SEC22C: variants seen among roughly 807,000 people sequenced by gnomAD.
SEC22C encodes SEC22 homolog C, vesicle trafficking protein.
A neutral mutation model predicts 34.7 loss-of-function variants in SEC22C; 29 were observed. The ratio of observed to expected loss-of-function variants is 0.84; its 90% CI spans 0.62 to 1.14. The LOEUF is 1.14. Ranked by LOEUF, SEC22C falls within the 50% of genes most tolerant of loss-of-function variation. The pLI is 0.00. For synonymous variants in SEC22C, 117 were observed against 132.8 expected (o/e 0.88, Z 0.82); for missense variants, 337 against 369.0 (o/e 0.91, Z 0.71).
intron 1 of SEC22C, among the ~76,000 whole-genome samples, chr3:42,569,340 G>A (rs1175769457): frequency 6.6e-6 from 1 of 152,044 alleles, no homozygotes; most frequent in Non-Finnish European, 1.5e-5. Context: ...AGCCAACTGG[G>A]ATGATGGGGA....
At chr3:42,594,467 T>C in intron 1 of SEC22C, 1 of 1,614,102 alleles carries the variant, frequency 6.2e-7, no homozygotes, top group Non-Finnish European at 8.5e-7. Context: ...TGGCTACCAT[T>C]GCAGATGCCA....
chr3:42,589,794 C>A (rs1232083203), intron 1 of SEC22C, among the ~76,000 whole-genome samples: 1 of 152,184 alleles, frequency 6.6e-6, no homozygotes, highest in Non-Finnish European at 1.5e-5. Flanking sequence ...TTCCACGAAA[C>A]CAATTCCTGG....
intron 5 of SEC22C, among the ~76,000 whole-genome samples, chr3:42,556,831 C>G (rs1702558501): frequency 1.3e-5 from 2 of 152,124 alleles, no homozygotes; most frequent in Admixed American, 1.3e-4. Context: ...TCAAGCGACT[C>G]TCCCACCTCA....
chr3:42,591,234 C>A (rs1228963845), intron 1 of SEC22C: 5 of 574,312 alleles, frequency 8.7e-6, no homozygotes, highest in Non-Finnish European at 1.2e-5. Context: ...GAGTCCCGCT[C>A]TGTCGCCCAG....
rs1252835440 is a variant in SEC22C at position 42,549,641 on chromosome 3, C to T, written c.*3607G>A. 3.0e-6 allele frequency: 3 copies of T among 985,306 alleles called. No homozygotes were observed. The highest frequency in any genetic ancestry group is 3.5e-5 in the African/African-American group (2 of 57,226). The allele number at this position is 985,306 out of a possible 1,614,324, so 61.0% of individuals were successfully genotyped here. On this transcript the variant is annotated 3_prime_UTR_variant, in exon 7 of 7. Coordinates refer to ENST00000264454, the MANE Select transcript of SEC22C (RefSeq NM_032970.4). The stretch of plus-strand genomic sequence containing the variant: ...AATGCAATCTGCTCCCACTCTGAAG[C>T]TCGTCTACCCACCCCATTTGTTACA...
intron 2 of SEC22C, among the ~76,000 whole-genome samples, chr3:42,567,746 T>C (rs541901624): frequency 1.2e-4 from 18 of 152,294 alleles, no homozygotes; most frequent in African/African-American, 4.3e-4. Flanking sequence ...TCTCACTTAT[T>C]TTTCACTCCC....
intron 1 of SEC22C, chr3:42,573,354 G>A (rs1703760619): frequency 3.3e-5 from 5 of 151,984 alleles, no homozygotes; most frequent in Admixed American, 3.3e-4. Flanking sequence ...GTAAAACCTC[G>A]TCTCTATTAA....
At position 42,551,767 on chromosome 3, in the gene SEC22C, A is replaced by C; in HGVS notation, c.*1481T>G. 1.0e-6 allele frequency: 1 copy of C among 968,554 alleles called. No homozygotes were observed. Among genetic ancestry groups the C allele is most frequent in the Non-Finnish European group, 1.2e-6 (1 of 814,522 alleles). The allele number at this position is 968,554 out of a possible 1,614,324, so 60.0% of individuals were successfully genotyped here. A position where few individuals can be genotyped will look rare whatever the true frequency, so the allele number is the denominator to read the frequency against. On this transcript the variant is annotated 3_prime_UTR_variant, in exon 7 of 7. Transcript: ENST00000264454. Reference sequence around the variant, plus strand: ...ATTTTTCTTAAAATGATAACAAGGTAGCTCAATAACAATACAATACCAGTG... The same window carrying C: ...ATTTTTCTTAAAATGATAACAAGGTCGCTCAATAACAATACAATACCAGTG...
intron 1 of SEC22C, among the ~76,000 whole-genome samples, chr3:42,599,572 G>A (rs1705188343): frequency 6.7e-6 from 1 of 150,268 alleles, no homozygotes; most frequent in African/African-American, 2.4e-5. Flanking sequence ...GGCGCCTGTA[G>A]TCCCAGCTAC....
Position 42,559,911 on chromosome 3 carries a change from A to G in SEC22C, c.526+1206T>C, listed in dbSNP as rs901733472. On this transcript the variant is annotated intron_variant, in intron 4 of 6. Coordinates refer to ENST00000264454, the MANE Select transcript of SEC22C (RefSeq NM_032970.4). ...CGTTCATTAAGACCTCTTCCTTCAC[A>G]TGAGGTCTCTGAAATCCACAGGGAT... Among the ~76,000 whole-genome samples the G allele has an allele frequency of 2.6e-5, 4 of 152,028 alleles. No individual in the cohort carries two copies. In the South Asian group the frequency reaches 8.3e-4, roughly 32 times the overall value.
chr3:42,600,832 G>A (rs890610347), intron 1 of SEC22C: 9 of 428,216 alleles, frequency 2.1e-5, no homozygotes, highest in African/African-American at 1.0e-4. Context: ...GAGGCCCGGG[G>A]CGGGAGGGGG....
At chr3:42,586,256 C>T (rs892612526), upstream of SEC22C, among the ~76,000 whole-genome samples, 4 of 152,126 alleles carry the variant, frequency 2.6e-5, no homozygotes, top group Non-Finnish European at 4.4e-5. Context: ...GACAGAGTCT[C>T]GCTCTGTCAC....
intron 1 of SEC22C, chr3:42,591,092 G>A: frequency 1.8e-6 from 2 of 1,113,034 alleles, no homozygotes; most frequent in Non-Finnish European, 2.6e-6. Context: ...GAGCAGCCGG[G>A]GTGCGGGGTG....
chr3:42,593,496 G>C (rs969501520), intron 1 of SEC22C, among the ~76,000 whole-genome samples: 2 of 152,112 alleles, frequency 1.3e-5, no homozygotes, highest in African/African-American at 4.8e-5. Flanking sequence ...TTTTTATAAG[G>C]GACTTGAGCT....
chr3:42,590,876 G>T, intron 1 of SEC22C: 5 of 1,613,712 alleles, frequency 3.1e-6, no homozygotes, highest in Non-Finnish European at 4.2e-6. Context: ...CTTGGCGGTC[G>T]TGGTTCCGGA....
intron 2 of SEC22C, chr3:42,566,974 T>C: frequency 5.3e-6 from 1 of 188,022 alleles, no homozygotes; most frequent in South Asian, 7.1e-5. Flanking sequence ...GAGGCTGAGG[T>C]GTGAACATGG....
At chr3:42,582,812 A>C (rs1285612687), upstream of SEC22C, among the ~76,000 whole-genome samples, 2 of 152,196 alleles carry the variant, frequency 1.3e-5, no homozygotes, top group African/African-American at 4.8e-5. Context: ...TGTATATAAG[A>C]ACTCTGTGGA....
At position 42,550,144 on chromosome 3, in the gene SEC22C, A is replaced by G. The variant is rs1702178683; in HGVS notation, c.*3104T>C. On this transcript the variant is annotated 3_prime_UTR_variant, in exon 7 of 7. Transcript: ENST00000264454. ...AAACCCTTCCTAAGAGCATGGAGCC[A>G]CACTCTGGCCTTGATACAGTAGATG... 4.1e-6 allele frequency: 4 copies of G among 985,354 alleles called. No individual in the cohort carries two copies. Among genetic ancestry groups the G allele is most frequent in the Non-Finnish European group, 4.8e-6 (4 of 829,954 alleles). The allele number at this position is 985,354 out of a possible 1,614,324, so 61.0% of individuals were successfully genotyped here.
intron 4 of SEC22C, among the ~76,000 whole-genome samples, chr3:42,560,120 C>CTCTA (rs1490380260): frequency 9.5e-4 from 88 of 92,938 alleles, no homozygotes; most frequent in African/African-American, 3.3e-3. Context: ...CTCTCTCTCT[C>CTCTA]TATATATATA....
Sources: gnomAD v4.1 joint callset for allele counts (sites outside exome capture counted in the v4.1 genomes callset) on GRCh38, gnomAD v4.1.1 for gene constraint, MANE v1.5 for transcripts, NCBI Gene and HGNC (gene_info 2026-07-23, HGNC 2026-07-21) for gene names.